HIGD1C: variants seen among roughly 807,000 people sequenced by gnomAD.
The protein encoded by HIGD1C is HIG1 domain family member 1C.
HIGD1C carries 11 observed loss-of-function variants against 13.1 expected under a neutral mutation model. That is an observed-to-expected ratio of 0.84 (90% confidence interval 0.53 to 1.39). HIGD1C has a LOEUF of 1.39. Among genes scored for constraint, HIGD1C ranks in the 40% most tolerant of loss-of-function variants. HIGD1C has a pLI of 0.00. For synonymous variants in HIGD1C, 36 were observed against 37.7 expected, an observed-to-expected ratio of 0.95 and a Z score of 0.17; for missense variants, 110 against 112.0, an observed-to-expected ratio of 0.98 and a Z score of 0.08.
the HIGD1C span, among the ~76,000 whole-genome samples, chr12:50,936,927 G>A: frequency 6.6e-6 from 1 of 152,184 alleles, no homozygotes; most frequent in African/African-American, 2.4e-5. Context: ...ATAAAGTGAT[G>A]CCCCTTCTAC....
chr12:50,941,793 G>A, the HIGD1C span, among the ~76,000 whole-genome samples: 3 of 152,134 alleles, frequency 2.0e-5, no homozygotes, highest in Non-Finnish European at 4.4e-5. Context: ...GTCTGTTTCT[G>A]GCTATCAACC....
the HIGD1C span, among the ~76,000 whole-genome samples, chr12:50,940,455 C>T: frequency 6.6e-6 from 1 of 152,156 alleles, no homozygotes; most frequent in African/African-American, 2.4e-5. Flanking sequence ...TAATGGCTCA[C>T]ACCTGAAAAC....
the HIGD1C span, among the ~76,000 whole-genome samples, chr12:50,941,906 T>G: frequency 6.6e-6 from 1 of 152,192 alleles, no homozygotes. Flanking sequence ...TTTTCTTTTT[T>G]GAGACATAGT....
At chr12:50,961,307 C>G (rs766851456) in intron 2 of HIGD1C, among the ~76,000 whole-genome samples, 11 of 152,078 alleles carry the variant, frequency 7.2e-5, no homozygotes, top group Non-Finnish European at 1.0e-4. Flanking sequence ...CTGACAAAAC[C>G]TATGGTAGAA....
chr12:50,945,966 A>G, the HIGD1C span, among the ~76,000 whole-genome samples: 1 of 152,176 alleles, frequency 6.6e-6, no homozygotes, highest in African/African-American at 2.4e-5. Flanking sequence ...ACCTGACAAA[A>G]ACAAGAAATG....
chr12:50,964,923 T>C (rs977924934), intron 2 of HIGD1C, among the ~76,000 whole-genome samples: 2 of 152,184 alleles, frequency 1.3e-5, no homozygotes, highest in Admixed American at 6.5e-5. Context: ...AGGCAGAGTC[T>C]CACTATGTTG....
At chr12:50,937,606 G>A in the HIGD1C span, among the ~76,000 whole-genome samples, 1 of 152,244 alleles carries the variant, frequency 6.6e-6, no homozygotes, top group African/African-American at 2.4e-5. Flanking sequence ...CCCACCATTC[G>A]GCGGGTCCCT....
At chr12:50,963,522 C>T (rs1041031825) in intron 2 of HIGD1C, among the ~76,000 whole-genome samples, 5 of 151,998 alleles carry the variant, frequency 3.3e-5, no homozygotes, top group East Asian at 1.9e-4. Context: ...CATTCACTGA[C>T]GGAGGTGAAA....
At chr12:50,940,579 C>T in the HIGD1C span, among the ~76,000 whole-genome samples, 1 of 151,806 alleles carries the variant, frequency 6.6e-6, no homozygotes, top group Non-Finnish European at 1.5e-5. Flanking sequence ...CAAAAATTAG[C>T]CGGGTCTAGT....
At chr12:50,931,976 C>T in the HIGD1C span, 1 of 152,192 alleles carries the variant, frequency 6.6e-6, no homozygotes, top group Non-Finnish European at 1.5e-5. Flanking sequence ...TTCTGCCCAG[C>T]TTTATGTCTT....
At chr12:50,943,982 C>T in the HIGD1C span, among the ~76,000 whole-genome samples, 6 of 152,150 alleles carry the variant, frequency 3.9e-5, no homozygotes, top group Non-Finnish European at 1.5e-5. Context: ...AGACTTTCAA[C>T]GATGCTTATA....
intron 2 of HIGD1C, among the ~76,000 whole-genome samples, chr12:50,962,258 A>T (rs534302871): frequency 1.3e-5 from 2 of 149,860 alleles, no homozygotes; most frequent in African/African-American, 5.0e-5. Flanking sequence ...CACACACACA[A>T]AATAGCTGGG....
At chr12:50,949,429 A>T (rs1253946083), upstream of HIGD1C, 1 of 148,336 alleles carries the variant, frequency 6.7e-6, no homozygotes, top group Non-Finnish European at 1.5e-5. Flanking sequence ...TGCCCTGGTT[A>T]TTCTAATGAT....
the HIGD1C span, chr12:50,931,684 C>T: frequency 5.1e-5 from 7 of 138,248 alleles, no homozygotes; most frequent in East Asian, 1.2e-3. Context: ...GTACTCTAGC[C>T]TGGGTGACAA....
chr12:50,937,032 T>G, the HIGD1C span, among the ~76,000 whole-genome samples: 1 of 152,232 alleles, frequency 6.6e-6, no homozygotes, highest in East Asian at 1.9e-4. Flanking sequence ...AATTTCTTCT[T>G]TGTTTCTTCT....
chr12:50,961,056 CAT>C lies in HIGD1C; in HGVS notation c.184_185del (p.Met62GlufsTer22). 1.2e-6 allele frequency: 2 copies of C among 1,613,748 alleles called. No individual in the cohort carries two copies. The highest frequency in any genetic ancestry group is 2.2e-5 in the East Asian group (1 of 44,888). On this transcript the variant is annotated frameshift_variant, in exon 2 of 3. Coordinates refer to ENST00000398455, the Ensembl canonical transcript of HIGD1C. LOFTEE classifies it high-confidence loss of function. ...AGAAAATGTCAATTCATCTTATTCACATGAGAGTTGCTGCCCAAGGATTTGTT... is the reference window on the plus strand; with the variant it reads ...AGAAAATGTCAATTCATCTTATTCACGAGAGTTGCTGCCCAAGGATTTGTT...
chr12:50,948,591 CG>C, the HIGD1C span, among the ~76,000 whole-genome samples: 1 of 151,184 alleles, frequency 6.6e-6, no homozygotes, highest in African/African-American at 2.4e-5. Context: ...AAAACACCGC[CG>C]GGTGCAGTGA....
Position 50,954,078 on chromosome 12 carries a change from C to G in HIGD1C, c.80C>G (p.Pro27Arg), listed in dbSNP as rs1303885730. 11 of 1,607,624 alleles carry G rather than the reference C, an allele frequency of 6.8e-6. No individual in the cohort carries two copies. In the African/African-American group the frequency reaches 8.0e-5, roughly 12 times the overall value. The change falls in exon 1 of 3, where the codon CCC becomes CGC. Residue 27 changes from proline (P) to arginine (R), a missense_variant. By Grantham distance (103) the Pro-to-Arg change is moderately radical (BLOSUM62 -2). Coordinates refer to ENST00000398455, the Ensembl canonical transcript of HIGD1C. The stretch of plus-strand genomic sequence containing the variant: ...CTAATCAGGAAATCTAGAGACTCCC[C>G]CTTTGTCCCTATAGGTAAGTACAAG...
At chr12:50,933,907 A>G in the HIGD1C span, among the ~76,000 whole-genome samples, 1 of 152,222 alleles carries the variant, frequency 6.6e-6, no homozygotes, top group Non-Finnish European at 1.5e-5. Context: ...CAGTCAGATC[A>G]TGCCTCCCGG....
Sources: gnomAD v4.1 joint callset for allele counts (sites outside exome capture counted in the v4.1 genomes callset) on GRCh38, gnomAD v4.1.1 for gene constraint, MANE v1.5 for transcripts, NCBI Gene and HGNC (gene_info 2026-07-23, HGNC 2026-07-21) for gene names.